REEP1: variants seen among roughly 807,000 people sequenced by gnomAD.
The protein encoded by REEP1 is receptor expression-enhancing protein 1.
In REEP1, 22 loss-of-function variants were observed where a neutral mutation model predicts 40.3. The ratio of observed to expected loss-of-function variants is 0.55; its 90% confidence interval spans 0.39 to 0.78. REEP1 has a LOEUF of 0.78. Among genes scored for constraint, REEP1 ranks in the 30% least tolerant of loss-of-function variants. The pLI, the probability that REEP1 is intolerant of heterozygous loss-of-function variation, is 0.00. For synonymous variants in REEP1, 116 were observed against 139.2 expected, an observed-to-expected ratio of 0.83 and a Z score of 1.17; for missense variants, 280 against 361.1, an observed-to-expected ratio of 0.78 and a Z score of 1.82.
chr2:86,317,727 A>T (rs1474237173), intron 1 of REEP1, among the ~76,000 whole-genome samples: 2 of 152,252 alleles, frequency 1.3e-5, no homozygotes, highest in African/African-American at 4.8e-5. Context: ...ACTTTCATTA[A>T]ATCCAGACCC....
At chr2:86,329,025 T>A (rs150813336) in intron 1 of REEP1, among the ~76,000 whole-genome samples, 2,376 of 152,180 alleles carry the variant, frequency 0.016, 49 homozygotes, top group African/African-American at 0.051. Flanking sequence ...TCACACAGAC[T>A]TGAAGGATGG....
At chr2:86,285,654 G>A (rs1315693102) in intron 1 of REEP1, among the ~76,000 whole-genome samples, 1 of 152,190 alleles carries the variant, frequency 6.6e-6, no homozygotes, top group Non-Finnish European at 1.5e-5. Flanking sequence ...TTCTCCCGGG[G>A]CTGCCTGTGC....
chr2:86,241,169 G>C (rs7608198), intron 5 of REEP1, among the ~76,000 whole-genome samples: 184 of 152,360 alleles, frequency 1.2e-3, no homozygotes, highest in African/African-American at 4.3e-3. Flanking sequence ...GGAAGTCTCA[G>C]CTGGAAGCTT....
At chr2:86,223,055 G>A (rs150520386) in intron 7 of REEP1, among the ~76,000 whole-genome samples, 2 of 152,340 alleles carry the variant, frequency 1.3e-5, no homozygotes, top group Non-Finnish European at 2.9e-5. Flanking sequence ...CCAAGGTCAT[G>A]GCCATAACAA....
intron 1 of REEP1, among the ~76,000 whole-genome samples, chr2:86,318,421 T>TAC (rs1453590803): frequency 1.4e-5 from 2 of 144,272 alleles, no homozygotes; most frequent in Non-Finnish European, 3.0e-5. Context: ...TTTTTTGAGA[T>TAC]AGAGTCTTGC....
intron 1 of REEP1, chr2:86,297,577 G>A (rs552235254): frequency 5.3e-6 from 2 of 374,014 alleles, no homozygotes; most frequent in South Asian, 1.1e-4. Context: ...CCTAAAAGAT[G>A]CAGGGATGCC....
At chr2:86,236,245 C>G (rs1459787170) in intron 5 of REEP1, among the ~76,000 whole-genome samples, 4 of 151,758 alleles carry the variant, frequency 2.6e-5, no homozygotes. Flanking sequence ...ACATGCCTCT[C>G]TCTTTTGTAA....
intron 2 of REEP1, among the ~76,000 whole-genome samples, chr2:86,268,576 A>G (rs1677265000): frequency 6.6e-6 from 1 of 152,206 alleles, no homozygotes; most frequent in Non-Finnish European, 1.5e-5. Flanking sequence ...TATAGATTCA[A>G]TGCAACCCCA....
At chr2:86,253,695 G>A (rs534976027) in intron 4 of REEP1, among the ~76,000 whole-genome samples, 11 of 152,264 alleles carry the variant, frequency 7.2e-5, no homozygotes, top group East Asian at 3.9e-4. Context: ...GAAGTGCTGC[G>A]GTCCGAGTTC....
At position 86,213,997 on chromosome 2, in the gene REEP1, T is replaced by C. The variant is rs1673976546; in HGVS notation, c.*3042A>G. The C allele has an allele frequency of 3.7e-6, 1 of 270,452 alleles. No homozygotes were observed. Among genetic ancestry groups the C allele is most frequent in the African/African-American group, 2.2e-5 (1 of 44,956 alleles). The allele number at this position is 270,452 out of a possible 1,614,324, so 16.8% of individuals were successfully genotyped here. A position where few individuals can be genotyped will look rare whatever the true frequency, so the allele number is the denominator to read the frequency against. ...AAGCCCAACATTACAAAGATGTTTT[T>C]TAAAAGAAAAATGTTAAGACTTTAT... On this transcript the variant is annotated 3_prime_UTR_variant, in exon 9 of 9. Transcript: ENST00000538924.
chr2:86,265,901 C>G (rs113749096), intron 2 of REEP1, among the ~76,000 whole-genome samples: 1 of 152,086 alleles, frequency 6.6e-6, no homozygotes, highest in African/African-American at 2.4e-5. Flanking sequence ...AATATATCCA[C>G]GTAACAAACC....
chr2:86,289,745 G>A lies in REEP1; in HGVS notation c.33-7503C>T, dbSNP rs181662403. Among the ~76,000 whole-genome samples the A allele has an allele frequency of 1.2e-4, 18 of 152,172 alleles. No homozygotes were observed. The East Asian group carries it at 3.3e-3, about 28-fold the overall frequency. ...TTGTAAATTTCTCCATAAAGATCTT[G>A]TACATGTTTTGTCTTACTGCTAGGC... is the stretch of plus-strand genomic sequence containing the variant. On this transcript the variant is annotated intron_variant, in intron 1 of 8. Coordinates refer to ENST00000538924, the MANE Select transcript of REEP1 (RefSeq NM_001371279.1).
chr2:86,272,915 G>A (rs941756113), intron 2 of REEP1, among the ~76,000 whole-genome samples: 1 of 152,098 alleles, frequency 6.6e-6, no homozygotes, highest in African/African-American at 2.4e-5. Context: ...TTGAGCCCAG[G>A]AGTTTGAGAC....
intron 6 of REEP1, among the ~76,000 whole-genome samples, chr2:86,228,313 G>A (rs980612887): frequency 2.6e-5 from 4 of 152,122 alleles, no homozygotes; most frequent in Non-Finnish European, 5.9e-5. Context: ...CTGAGTGACC[G>A]TGCAGGGACA....
intron 1 of REEP1, among the ~76,000 whole-genome samples, chr2:86,300,520 A>G (rs1375864467): frequency 2.0e-5 from 3 of 152,370 alleles, no homozygotes; most frequent in African/African-American, 7.2e-5. Context: ...TATACACATG[A>G]AAAGTAGAAG....
In REEP1 at chr2:86,310,045, C is replaced by T. The variant is rs188927518; in HGVS notation, c.32+27434G>A. ...ATCACCAAGCATGTCTGTACCTTGC[C>T]ACCATAATGAAAAGCCACAGGGAAT... On this transcript the variant is annotated intron_variant, in intron 1 of 8. Coordinates refer to ENST00000538924, the MANE Select transcript of REEP1 (RefSeq NM_001371279.1). Among the ~76,000 whole-genome samples the T allele has an allele frequency of 7.2e-5, 11 of 152,264 alleles. No individual in the cohort carries two copies. The East Asian group carries it at 1.5e-3, about 21-fold the overall frequency.
intron 7 of REEP1, among the ~76,000 whole-genome samples, chr2:86,223,182 G>T (rs1460732524): frequency 6.6e-6 from 1 of 152,242 alleles, no homozygotes; most frequent in African/African-American, 2.4e-5. Context: ...TCCACAGCAG[G>T]GGAATGGGTG....
At chr2:86,281,353 C>G (rs1200538496) in intron 2 of REEP1, among the ~76,000 whole-genome samples, 1 of 152,162 alleles carries the variant, frequency 6.6e-6, no homozygotes, top group Non-Finnish European at 1.5e-5. Flanking sequence ...ATATAGGGGC[C>G]GGGCACTGTG....
chr2:86,258,504 ATC>A (rs1294330264), intron 3 of REEP1, among the ~76,000 whole-genome samples: 1 of 152,154 alleles, frequency 6.6e-6, no homozygotes, highest in African/African-American at 2.4e-5. Flanking sequence ...AAGCCTTAAA[ATC>A]TCTGTCACTG....
Sources: gnomAD v4.1 joint callset for allele counts (sites outside exome capture counted in the v4.1 genomes callset) on GRCh38, gnomAD v4.1.1 for gene constraint, MANE v1.5 for transcripts, NCBI Gene and HGNC (gene_info 2026-07-23, HGNC 2026-07-21) for gene names.